The following ZNF225 variants were observed in gnomAD, a reference collection of about 807,000 sequenced individuals.
ZNF225 encodes the protein zinc finger protein 225.
In ZNF225, 6 loss-of-function variants were observed where a neutral mutation model predicts 12.0. The ratio of observed to expected loss-of-function variants is 0.50; its 90% CI spans 0.27 to 0.98. The LOEUF is 0.98. ZNF225 is among the 50% of genes least tolerant of loss of function. The probability of loss-of-function intolerance (pLI) is 0.11; values close to 1 mark genes in which losing one functional copy is unlikely to be tolerated. For missense variants in ZNF225, 763 were observed against 848.2 expected (o/e 0.90, Z 1.25); for synonymous variants, 271 against 283.2 (o/e 0.96, Z 0.43).
chr19:44,119,406 T>G (rs1403537329), intron 4 of ZNF225, among the ~76,000 whole-genome samples: 1 of 152,248 alleles, frequency 6.6e-6, no homozygotes, highest in Non-Finnish European at 1.5e-5. Context: ...ATTATCAAGC[T>G]GTCTGTAGGT....
rs1237173815 is a variant in ZNF225, at chr19:44,131,130, A to G, written c.516A>G (p.Arg172=). Residue 172 remains arginine, a synonymous_variant, in exon 5 of 5, where the codon AGA becomes AGG. Coordinates refer to ENST00000262894, the MANE Select transcript of ZNF225 (RefSeq NM_013362.4). Reference sequence around the variant, plus strand: ...ATCTTCATCAACAACTACAGTCAAGAGAGAAGTCTCATACATGTGATGAAT... The same window carrying G: ...ATCTTCATCAACAACTACAGTCAAGGGAGAAGTCTCATACATGTGATGAAT... ...VLDLHQQLQS[R]EKSHTCDECG... The G allele has an allele frequency of 1.9e-6, 3 of 1,614,092 alleles. No individual in the cohort carries two copies. Among genetic ancestry groups the G allele is most frequent in the Non-Finnish European group, 2.5e-6 (3 of 1,180,046 alleles).
At chr19:44,119,063 G>A (rs111509316) in intron 4 of ZNF225, among the ~76,000 whole-genome samples, 3,930 of 152,216 alleles carry the variant, frequency 0.026, 176 homozygotes, top group African/African-American at 0.09. Context: ...TGATCCGCCC[G>A]CCTTGGCCTC....
At chr19:44,127,996 C>G (rs955874660) in intron 4 of ZNF225, among the ~76,000 whole-genome samples, 1 of 152,214 alleles carries the variant, frequency 6.6e-6, no homozygotes, top group African/African-American at 2.4e-5. Context: ...AACAGCTCTC[C>G]TATACAAGGG....
Position 44,132,774 on chromosome 19 carries a change from T to G in ZNF225, c.*39T>G. Reference sequence around the variant, plus strand: ...TTATGGGGTACAGTGTGATAGTTAATGCAAGTATACAATGTGTAATGATCA... The same window carrying G: ...TTATGGGGTACAGTGTGATAGTTAAGGCAAGTATACAATGTGTAATGATCA... On this transcript the variant is annotated 3_prime_UTR_variant, in exon 5 of 5. Transcript: ENST00000262894. The G allele has an allele frequency of 6.9e-7, 1 of 1,444,928 alleles. No individual in the cohort carries two copies. Among genetic ancestry groups the G allele is most frequent in the South Asian group, 1.4e-5 (1 of 71,234 alleles). The allele number at this position is 1,444,928 out of a possible 1,614,324, so 89.5% of individuals were successfully genotyped here.
intron 4 of ZNF225, among the ~76,000 whole-genome samples, chr19:44,119,587 C>G (rs1426041852): frequency 6.6e-6 from 1 of 152,218 alleles, no homozygotes; most frequent in Non-Finnish European, 1.5e-5. Flanking sequence ...ATGCCTCTCT[C>G]TCCTGCCTTT....
At chr19:44,114,409 T>G (rs1967896456) in intron 1 of ZNF225, among the ~76,000 whole-genome samples, 1 of 152,234 alleles carries the variant, frequency 6.6e-6, no homozygotes, top group African/African-American at 2.4e-5. Flanking sequence ...GATGAAGTTA[T>G]TTTGGTCAAA....
In ZNF225 at chr19:44,131,189, G is replaced by A. The variant is rs373033531; in HGVS notation, c.575G>A (p.Arg192His). 12 of 1,614,026 alleles carry A rather than the reference G, an allele frequency of 7.4e-6. No homozygotes were observed. Among genetic ancestry groups the A allele is most frequent in the African/African-American group, 1.3e-5 (1 of 74,924 alleles). Residue 192 changes from arginine to histidine, a missense_variant, in exon 5 of 5, where the codon CGT becomes CAT. Physicochemically the swap from Arg to His is conservative, Grantham distance 29 (BLOSUM62 0). Transcript: ENST00000262894. Reference sequence around the variant, plus strand: ...AGTTTCTGTTATAGCTCAGCTCTTCGTATTCATCAGAGAGTTCACATGGGG... The same window carrying A: ...AGTTTCTGTTATAGCTCAGCTCTTCATATTCATCAGAGAGTTCACATGGGG... ...GKSFCYSSAL[R>H]IHQRVHMGEK...
rs1008236468 is a variant in ZNF225 at position 44,130,817 on chromosome 19, T to C, written c.236-33T>C. ...TGATAACACTGAATAAAAGCTTTACTTGCCCACATCTCTTAATTCTGTGTC... is the reference window on the plus strand; with the variant it reads ...TGATAACACTGAATAAAAGCTTTACCTGCCCACATCTCTTAATTCTGTGTC... On this transcript the variant is annotated intron_variant, in intron 4 of 4. Coordinates refer to ENST00000262894, the MANE Select transcript of ZNF225 (RefSeq NM_013362.4). 4.5e-6 allele frequency: 7 copies of C among 1,561,210 alleles called. No homozygotes were observed. The African/African-American group carries it at 8.2e-5, about 18-fold the overall frequency.
chr19:44,121,060 C>A (rs1369413085), intron 4 of ZNF225, among the ~76,000 whole-genome samples: 2 of 152,082 alleles, frequency 1.3e-5, no homozygotes, highest in African/African-American at 4.8e-5. Flanking sequence ...CGATGCCCTG[C>A]TAATTTTTTT....
Position 44,132,570 on chromosome 19 carries a change from T to G in ZNF225, c.1956T>G (p.Leu652=). 6.2e-7 allele frequency: 1 copy of G among 1,614,094 alleles called. No individual in the cohort carries two copies. The highest frequency in any genetic ancestry group is 8.5e-7 in the Non-Finnish European group (1 of 1,179,972). Residue 652 remains leucine (L), a synonymous_variant, in exon 5 of 5, where the codon CTT becomes CTG. Transcript: ENST00000262894. ...GACTCCACAGTAGAGAAAAACTACT[T>G]CAATGTGAGGACTGTGGGAAGAGCA... The part of the protein sequence containing the change: ...HQRLHSREKL[L]QCEDCGKSIV...
At chr19:44,112,253 G>C (rs1967846691), upstream of ZNF225, 1 of 152,130 alleles carries the variant, frequency 6.6e-6, no homozygotes, top group African/African-American at 2.4e-5. Context: ...ACAAAGAGAA[G>C]GGAAGATGGA....
chr19:44,130,638 T>C (rs1968226088), intron 4 of ZNF225: 1 of 419,864 alleles, frequency 2.4e-6, no homozygotes, highest in South Asian at 3.2e-5. Flanking sequence ...GAGGTGGAGC[T>C]TGCAGTGAGC....
chr19:44,132,522 C>T lies in ZNF225; in HGVS notation c.1908C>T (p.Ala636=), dbSNP rs528467684. Residue 636 remains alanine, a synonymous_variant, in exon 5 of 5, where the codon GCC becomes GCT. Coordinates refer to ENST00000262894, the MANE Select transcript of ZNF225 (RefSeq NM_013362.4). The part of the protein sequence containing the change: ...CEKCGKSFRW[A]STHLTHQRLH... Reference sequence around the variant, plus strand: ...AGTGTGGAAAGAGCTTCAGATGGGCCTCAACTCATCTAACCCATCAGAGAC... The same window carrying T: ...AGTGTGGAAAGAGCTTCAGATGGGCTTCAACTCATCTAACCCATCAGAGAC... The T allele has an allele frequency of 5.0e-6, 8 of 1,613,938 alleles. No individual in the cohort carries two copies. The African/African-American group carries it at 5.3e-5, about 11-fold the overall frequency.
rs115124536 is a variant in ZNF225, at chr19:44,118,135, C to A, written c.16-53C>A. On this transcript the variant is annotated intron_variant, in intron 2 of 4. Transcript: ENST00000262894. ...CCTCTGTCTGCTCAGTGCCACCCCT[C>A]TCTCAGTAGTCATTGGTCATGAGAC... 9,622 of 1,575,736 alleles carry A rather than the reference C, an allele frequency of 6.1e-3. 380 individuals carry two copies. In the African/African-American group the frequency reaches 0.095, roughly 16 times the overall value.
In ZNF225 at chr19:44,130,986, C is replaced by T. The variant is rs370325128; in HGVS notation, c.372C>T (p.Phe124=). ...ACTCCATGGTAAACAGCTTTCAGTT[C>T]TCCAAACAAGATGATATGCCCTGCC... is the stretch of plus-strand genomic sequence containing the variant. ...FQDSMVNSFQ[F]SKQDDMPCQV... The change falls in exon 5 of 5, where the codon TTC becomes TTT. Residue 124 remains phenylalanine (F), a synonymous_variant. Transcript: ENST00000262894. 3 of 1,614,006 alleles carry T rather than the reference C, an allele frequency of 1.9e-6. No homozygotes were observed. The highest frequency in any genetic ancestry group is 3.3e-5 in the Admixed American group (2 of 60,014).
At chr19:44,125,035 G>A (rs1172237200) in intron 4 of ZNF225, among the ~76,000 whole-genome samples, 1 of 152,156 alleles carries the variant, frequency 6.6e-6, no homozygotes, top group African/African-American at 2.4e-5. Context: ...TGAGATGTGA[G>A]GTGCCGTTGC....
At chr19:44,126,294 G>A (rs750313052) in intron 4 of ZNF225, among the ~76,000 whole-genome samples, 8 of 152,090 alleles carry the variant, frequency 5.3e-5, no homozygotes, top group South Asian at 2.1e-4. Context: ...CCAAACTGCC[G>A]TGATTGTTGT....
rs1303742240 is a variant in ZNF225 at position 44,131,837 on chromosome 19, G to T, written c.1223G>T (p.Gly408Val). ...TTFKCEECGK[G>V]FYTNSQRYSH... ...TTCAAATGTGAAGAATGTGGGAAGG[G>T]ATTTTATACAAATTCACAACGTTAT... is the stretch of plus-strand genomic sequence containing the variant. Residue 408 changes from glycine to valine, a missense_variant, in exon 5 of 5, where the codon GGA becomes GTA. Coordinates refer to ENST00000262894, the MANE Select transcript of ZNF225 (RefSeq NM_013362.4). The T allele has an allele frequency of 1.9e-6, 3 of 1,614,096 alleles. No individual in the cohort carries two copies. The highest frequency in any genetic ancestry group is 2.7e-5 in the African/African-American group (2 of 74,936).
At position 44,131,457 on chromosome 19, in the gene ZNF225, C is replaced by T. The variant is rs201348643; in HGVS notation, c.843C>T (p.Ile281=). 7 of 1,614,106 alleles carry T rather than the reference C, an allele frequency of 4.3e-6. No homozygotes were observed. In the African/African-American group the frequency reaches 8.0e-5, roughly 18 times the overall value. The change falls in exon 5 of 5, where the codon ATC becomes ATT. Residue 281 remains isoleucine (I), a synonymous_variant. Coordinates refer to ENST00000262894, the MANE Select transcript of ZNF225 (RefSeq NM_013362.4). ...CCCAGCTTCAGGAACATCAAAGAAT[C>T]CATACTGGGGAGAAGCCATTCAAAT... ...HDSQLQEHQR[I]HTGEKPFKCD...
Sources: allele counts gnomAD v4.1 joint callset (sites outside exome capture counted in the v4.1 genomes callset), GRCh38; gene constraint gnomAD v4.1.1; transcripts MANE v1.5; gene names NCBI Gene and HGNC (gene_info 2026-07-23, HGNC 2026-07-21).